SRD5A2: variants seen among roughly 807,000 people sequenced by gnomAD.
SRD5A2 encodes the protein steroid 5 alpha-reductase 2.
Under a neutral mutation model 27.4 loss-of-function variants are expected in SRD5A2, and 30 were observed. The observed-to-expected ratio is 1.10, with a 90% CI of 0.82 to 1.49. SRD5A2 has a LOEUF of 1.49. SRD5A2 is among the 40% of genes most tolerant of loss of function. The probability of loss-of-function intolerance (pLI) is 0.00; values close to 1 mark genes in which losing one functional copy is unlikely to be tolerated. For missense variants in SRD5A2, 348 were observed against 323.4 expected (o/e 1.08, Z -0.58); for synonymous variants, 141 against 133.6 (o/e 1.06, Z -0.38).
At chr2:31,568,068 A>T (rs192955431) in intron 1 of SRD5A2, among the ~76,000 whole-genome samples, 2 of 152,302 alleles carry the variant, frequency 1.3e-5, no homozygotes, top group East Asian at 3.9e-4. Flanking sequence ...GTTGGACCAG[A>T]TGTACCCCAA....
chr2:31,579,211 A>T (rs1343469571), intron 1 of SRD5A2, among the ~76,000 whole-genome samples: 1 of 152,236 alleles, frequency 6.6e-6, no homozygotes, highest in African/African-American at 2.4e-5. Flanking sequence ...AAAGAGTGAG[A>T]ATTCAGTTAA....
chr2:31,563,657 A>G (rs1366550553), intron 1 of SRD5A2, among the ~76,000 whole-genome samples: 1 of 152,154 alleles, frequency 6.6e-6, no homozygotes, highest in Non-Finnish European at 1.5e-5. Context: ...AGACACACGG[A>G]GACCTGCAGA....
the SRD5A2 span, among the ~76,000 whole-genome samples, chr2:31,645,754 A>G: frequency 6.6e-6 from 1 of 152,212 alleles, no homozygotes; most frequent in African/African-American, 2.4e-5. Flanking sequence ...TTATATCAGC[A>G]GCACCTACCT....
At chr2:31,643,087 A>G in the SRD5A2 span, among the ~76,000 whole-genome samples, 2 of 152,134 alleles carry the variant, frequency 1.3e-5, no homozygotes, top group Non-Finnish European at 2.9e-5. Flanking sequence ...CTGTATCTTG[A>G]TACAGGTTTG....
the SRD5A2 span, among the ~76,000 whole-genome samples, chr2:31,647,181 C>G: frequency 9.9e-5 from 15 of 151,976 alleles, no homozygotes; most frequent in Non-Finnish European, 2.1e-4. Context: ...ACAGCTGTAC[C>G]ATAGACACAG....
At chr2:31,635,916 T>C in the SRD5A2 span, among the ~76,000 whole-genome samples, 3 of 152,120 alleles carry the variant, frequency 2.0e-5, no homozygotes, top group Admixed American at 6.5e-5. Flanking sequence ...TAGGAGTCTA[T>C]TTTTATGCCA....
chr2:31,529,219 G>C (rs28383069), intron 4 of SRD5A2, 88 bp downstream of exon 4: 15,322 of 1,523,460 alleles, frequency 0.01, 103 homozygotes, highest in Non-Finnish European at 0.011. Flanking sequence ...AAATATCTTC[G>C]GTTTCTCAAT....
chr2:31,553,565 A>G (rs1666425387), intron 1 of SRD5A2, among the ~76,000 whole-genome samples: 1 of 152,206 alleles, frequency 6.6e-6, no homozygotes, highest in Non-Finnish European at 1.5e-5. Flanking sequence ...ACACATCAAT[A>G]ATACCATCAG....
the SRD5A2 span, among the ~76,000 whole-genome samples, chr2:31,590,130 G>A: frequency 1.3e-5 from 2 of 152,030 alleles, no homozygotes; most frequent in Admixed American, 1.3e-4. Flanking sequence ...AGTAGCATCA[G>A]ACCTGCCCAA....
intron 1 of SRD5A2, among the ~76,000 whole-genome samples, chr2:31,578,742 G>A (rs1462321075): frequency 2.6e-5 from 4 of 152,100 alleles, no homozygotes; most frequent in Non-Finnish European, 1.5e-5. Context: ...CTCTGAAGAA[G>A]GACAATATGT....
the SRD5A2 span, among the ~76,000 whole-genome samples, chr2:31,659,057 T>C: frequency 6.6e-6 from 1 of 152,150 alleles, no homozygotes; most frequent in Non-Finnish European, 1.5e-5. Context: ...TTGGTTAACA[T>C]ATGCAAATCA....
chr2:31,624,515 C>T, the SRD5A2 span, among the ~76,000 whole-genome samples: 2 of 152,076 alleles, frequency 1.3e-5, no homozygotes, highest in South Asian at 2.1e-4. Flanking sequence ...CTTCCCCTCT[C>T]CCCCCACCCC....
chr2:31,643,378 G>A, the SRD5A2 span, among the ~76,000 whole-genome samples: 815 of 152,174 alleles, frequency 5.4e-3, 5 homozygotes, highest in South Asian at 0.015. Flanking sequence ...TGTGGTATGC[G>A]ATGTTACATT....
At chr2:31,550,311 A>G (rs1666358179) in intron 1 of SRD5A2, among the ~76,000 whole-genome samples, 1 of 151,986 alleles carries the variant, frequency 6.6e-6, no homozygotes, top group African/African-American at 2.4e-5. Context: ...CAAACATTTA[A>G]GTAATTAATA....
intron 1 of SRD5A2, among the ~76,000 whole-genome samples, chr2:31,556,060 C>CT (rs1231233113): frequency 1.3e-5 from 2 of 152,170 alleles, no homozygotes; most frequent in Non-Finnish European, 2.9e-5. Flanking sequence ...GAAGCCTTTC[C>CT]TTGTTGGAGC....
chr2:31,616,099 G>A, the SRD5A2 span, among the ~76,000 whole-genome samples: 2 of 151,628 alleles, frequency 1.3e-5, no homozygotes, highest in African/African-American at 2.4e-5. Context: ...GGCTACAGGG[G>A]TGAGCACAGA....
At chr2:31,594,838 T>C in the SRD5A2 span, among the ~76,000 whole-genome samples, 6 of 152,096 alleles carry the variant, frequency 3.9e-5, no homozygotes, top group African/African-American at 1.2e-4. Context: ...TTTAAGACAA[T>C]TGAAATTATA....
chr2:31,534,780 A>G (rs1046937171), intron 1 of SRD5A2, among the ~76,000 whole-genome samples: 1 of 152,156 alleles, frequency 6.6e-6, no homozygotes, highest in Non-Finnish European at 1.5e-5. Flanking sequence ...CCCATCCTTC[A>G]AAGTCTGGGA....
At chr2:31,601,500 G>A in the SRD5A2 span, among the ~76,000 whole-genome samples, 1 of 152,006 alleles carries the variant, frequency 6.6e-6, no homozygotes, top group South Asian at 2.1e-4. Flanking sequence ...AGGAAGACCT[G>A]GTACCATTTC....
Sources: gnomAD v4.1 joint callset for allele counts (sites outside exome capture counted in the v4.1 genomes callset) on GRCh38, gnomAD v4.1.1 for gene constraint, MANE v1.5 for transcripts, NCBI Gene and HGNC (gene_info 2026-07-23, HGNC 2026-07-21) for gene names.